The following ADGRL2 variants were observed in gnomAD, a reference collection of about 807,000 sequenced individuals.
ADGRL2 encodes the protein calcium-independent alpha-latrotoxin receptor 2.
Under a neutral mutation model 157.4 loss-of-function variants are expected in ADGRL2, and 44 were observed. The observed-to-expected ratio is 0.28, with a 90% CI of 0.22 to 0.36. The LOEUF is 0.36. Among genes scored for constraint, ADGRL2 ranks in the 10% least tolerant of loss-of-function variants. The pLI is 1.00. For synonymous variants in ADGRL2, 585 were observed against 624.7 expected (o/e 0.94, Z 0.95); for missense variants, 1,510 against 1,768.9 (o/e 0.85, Z 2.63).
chr1:81,668,141 G>A (rs958725500), intron 3 of ADGRL2, among the ~76,000 whole-genome samples: 4 of 151,988 alleles, frequency 2.6e-5, no homozygotes, highest in Non-Finnish European at 4.4e-5. Flanking sequence ...CAAGTTTTCC[G>A]ACCAGGCTCA....
At chr1:81,836,800 G>A (rs1176603446) in intron 1 of ADGRL2, 85 bp from the exon 2 acceptor site, 1 of 412,002 alleles carries the variant, frequency 2.4e-6, no homozygotes, top group African/African-American at 2.1e-5. Flanking sequence ...TTATATTCAG[G>A]AGAGAGAGAG....
At chr1:81,310,266 T>C (rs1659655996) in intron 1 of ADGRL2, among the ~76,000 whole-genome samples, 1 of 152,186 alleles carries the variant, frequency 6.6e-6, no homozygotes, top group Non-Finnish European at 1.5e-5. Flanking sequence ...AGGGCAGCAT[T>C]TGTGGCCTTA....
chr1:81,636,462 G>T (rs1570699184), intron 3 of ADGRL2, among the ~76,000 whole-genome samples: 1 of 152,030 alleles, frequency 6.6e-6, no homozygotes, highest in African/African-American at 2.4e-5. Flanking sequence ...GTACTTTGAT[G>T]GGAAAGTCTA....
chr1:81,695,085 C>T (rs1440724840), upstream of ADGRL2, among the ~76,000 whole-genome samples: 3 of 151,786 alleles, frequency 2.0e-5, no homozygotes, highest in Non-Finnish European at 4.4e-5. Flanking sequence ...TTGGTTATTC[C>T]TATAAAATTC....
rs188029327 is a variant in ADGRL2, at chr1:81,316,878, A to G, written c.-302+10369A>G. On this transcript the variant is annotated intron_variant, in intron 1 of 24. Transcript: ENST00000370721. ...AGTTAGAGGATACATTAAAAAGCAT[A>G]TATGACTATCTCTCATCCACCCCGA... Among the ~76,000 whole-genome samples, 653 of 152,326 alleles carry G rather than the reference A, an allele frequency of 4.3e-3. 4 individuals are homozygous for G. Among genetic ancestry groups the G allele is most frequent in the Non-Finnish European group, 6.5e-3 (441 of 68,036 alleles).
intron 2 of ADGRL2, among the ~76,000 whole-genome samples, chr1:81,571,737 G>C (rs1368387184): frequency 6.6e-6 from 1 of 151,856 alleles, no homozygotes; most frequent in Admixed American, 6.6e-5. Flanking sequence ...CAGAATTAAG[G>C]GTGGATAAAA....
chr1:81,598,455 A>G (rs1198717314), intron 3 of ADGRL2, among the ~76,000 whole-genome samples: 1 of 152,364 alleles, frequency 6.6e-6, no homozygotes, highest in South Asian at 2.1e-4. Context: ...CTGTACATAT[A>G]ATAAAATTAT....
intron 1 of ADGRL2, among the ~76,000 whole-genome samples, chr1:81,392,467 A>C (rs929116437): frequency 2.6e-5 from 4 of 152,136 alleles, no homozygotes; most frequent in African/African-American, 9.7e-5. Context: ...AATGCTAACA[A>C]AGGAGCCAGC....
chr1:81,540,071 G>C (rs1037196635), intron 2 of ADGRL2, among the ~76,000 whole-genome samples: 1 of 152,040 alleles, frequency 6.6e-6, no homozygotes, highest in South Asian at 2.1e-4. Flanking sequence ...ATCTCAGGCA[G>C]GTCATTTAAC....
chr1:81,698,326 T>C (rs894060203), upstream of ADGRL2, among the ~76,000 whole-genome samples: 2 of 152,214 alleles, frequency 1.3e-5, no homozygotes, highest in African/African-American at 2.4e-5. Flanking sequence ...ACTGCTCACA[T>C]GTATGTGCAT....
In ADGRL2 at chr1:81,469,273, CT is replaced by C. The variant is rs377376397; in HGVS notation, c.-248+24185del. The stretch of plus-strand genomic sequence containing the variant: ...CTGCCTCTGTTTTTTCTAATTTGGT[CT>C]GAAAAGGCACCAGTGTCCTCTCCTA... On this transcript the variant is annotated intron_variant, in intron 2 of 24. Coordinates refer to the ADGRL2 transcript ENST00000370721. 2.3e-3 allele frequency among the ~76,000 whole-genome samples: 344 copies of C among 152,272 alleles called. 2 individuals are homozygous for C. Among genetic ancestry groups the C allele is most frequent in the African/African-American group, 8.0e-3 (333 of 41,542 alleles).
chr1:81,991,294 T>C lies in ADGRL2; in HGVS notation c.*149T>C. 4.6e-6 allele frequency: 3 copies of C among 645,654 alleles called. No individual in the cohort carries two copies. Among genetic ancestry groups the C allele is most frequent in the Non-Finnish European group, 7.7e-6 (3 of 388,544 alleles). The allele number at this position is 645,654 out of a possible 1,614,324, so 40.0% of individuals were successfully genotyped here. A position where few individuals can be genotyped will look rare whatever the true frequency, so the allele number is the denominator to read the frequency against. On this transcript the variant is annotated 3_prime_UTR_variant, in exon 24 of 24. Coordinates refer to ENST00000686636, the MANE Select transcript of ADGRL2 (RefSeq NM_001366006.2). The stretch of plus-strand genomic sequence containing the variant: ...TAAAAAAGATGACTGAACCTTGCAG[T>C]TCTGTGAATTTTTATAAAACATACA...
rs764877480 is a variant in ADGRL2 at position 81,719,705 on chromosome 1, A to G, written c.-143+19897A>G. Among the ~76,000 whole-genome samples the G allele has an allele frequency of 3.8e-4, 58 of 151,944 alleles. 1 individual carries two copies. Among genetic ancestry groups the G allele is most frequent in the Non-Finnish European group, 7.8e-4 (53 of 67,980 alleles). ...TTATCCAAACTGAATGCACTTTTCC[A>G]GGTGCATCATATATCATCCCTTAGG... On this transcript the variant is annotated intron_variant, in intron 1 of 20. Coordinates refer to the ADGRL2 transcript ENST00000359929.
intron 3 of ADGRL2, among the ~76,000 whole-genome samples, chr1:81,597,591 G>A (rs12717770): frequency 0.34 from 51,486 of 152,040 alleles, 8,996 homozygotes; most frequent in South Asian, 0.39. Flanking sequence ...TTTTACACAT[G>A]AGAAAATTAA....
chr1:81,694,134 T>C (rs773186945), intron 3 of ADGRL2, among the ~76,000 whole-genome samples: 1 of 152,142 alleles, frequency 6.6e-6, no homozygotes, highest in Non-Finnish European at 1.5e-5. Context: ...GCATTAAAAA[T>C]AAATTTGGAA....
At chr1:81,848,951 T>G (rs899033845) in intron 2 of ADGRL2, among the ~76,000 whole-genome samples, 2 of 151,950 alleles carry the variant, frequency 1.3e-5, no homozygotes, top group African/African-American at 4.8e-5. Context: ...TTCAGGTATG[T>G]GTTTTGGACA....
chr1:81,475,868 A>T (rs1330410766), intron 2 of ADGRL2, among the ~76,000 whole-genome samples: 1 of 152,188 alleles, frequency 6.6e-6, no homozygotes, highest in Non-Finnish European at 1.5e-5. Flanking sequence ...CAATCTGTGT[A>T]GGAAAGCTGT....
intron 2 of ADGRL2, among the ~76,000 whole-genome samples, chr1:81,461,335 T>C (rs1055856822): frequency 7.9e-5 from 12 of 152,130 alleles, no homozygotes; most frequent in African/African-American, 2.9e-4. Context: ...TCATTATCTT[T>C]TTCAAGAACA....
intron 1 of ADGRL2, among the ~76,000 whole-genome samples, chr1:81,307,109 T>C (rs1441710590): frequency 6.6e-6 from 1 of 152,224 alleles, no homozygotes; most frequent in Non-Finnish European, 1.5e-5. Flanking sequence ...TCAGTTACTG[T>C]CATTATCCAT....
Sources: allele counts gnomAD v4.1 joint callset (sites outside exome capture counted in the v4.1 genomes callset), GRCh38; gene constraint gnomAD v4.1.1; transcripts MANE v1.5; gene names NCBI Gene and HGNC (gene_info 2026-07-23, HGNC 2026-07-21).